The following KPNB1 variants were observed in gnomAD, a reference collection of about 807,000 sequenced individuals.
KPNB1 encodes the protein importin subunit beta-1.
Under a neutral mutation model 113.0 loss-of-function variants are expected in KPNB1, and 7 were observed. That is an observed-to-expected ratio of 0.06 (90% CI 0.04 to 0.12). KPNB1 has a LOEUF of 0.12. Among genes scored for constraint, KPNB1 ranks in the 10% least tolerant of loss-of-function variants. The probability of loss-of-function intolerance (pLI) is 1.00; values close to 1 mark genes in which losing one functional copy is unlikely to be tolerated. For synonymous variants in KPNB1, 363 were observed against 378.6 expected, an observed-to-expected ratio of 0.96 and a Z score of 0.48; for missense variants, 400 against 1,054.8, an observed-to-expected ratio of 0.38 and a Z score of 8.60.
chr17:47,677,267 G>A lies in KPNB1; in HGVS notation c.2103+140G>A, dbSNP rs945052384. 2.0e-5 allele frequency: 13 copies of A among 648,598 alleles called. No homozygotes were observed. In the East Asian group the frequency reaches 2.2e-4, roughly 11 times the overall value. 40.2% of individuals were successfully genotyped at this position (648,598 alleles called of 1,614,324 possible). A position where few individuals can be genotyped will look rare whatever the true frequency, so the allele number is the denominator to read the frequency against. On this transcript the variant is annotated intron_variant, in intron 17 of 21. Coordinates refer to ENST00000290158, the MANE Select transcript of KPNB1 (RefSeq NM_002265.6). ...GGAGGCCGAGGCAGGCCAGGAGTTC[G>A]AGACCAACCTGGACAACATGGTGAA...
Position 47,666,394 on chromosome 17 carries a change from TTGTG to T in KPNB1, c.999+1260_999+1263del, listed in dbSNP as rs140549997. ...ATCTTTTGACTTCGTGTCTTTACTT[TTGTG>T]TGTGTGTGTGTGTGTGTGTGTGTAT... On this transcript the variant is annotated intron_variant, in intron 9 of 21. Transcript: ENST00000290158. Among the ~76,000 whole-genome samples, 759 of 139,610 alleles carry T rather than the reference TTGTG, an allele frequency of 5.4e-3. 8 individuals are homozygous for T. The highest frequency in any genetic ancestry group is 0.019 in the African/African-American group (702 of 37,684). 91.6% of individuals were successfully genotyped at this position (139,610 alleles called of 152,430 possible). A position where few individuals can be genotyped will look rare whatever the true frequency, so the allele number is the denominator to read the frequency against.
chr17:47,684,947 A>C lies in KPNB1; in HGVS notation c.*2543A>C, dbSNP rs2030898890. On this transcript the variant is annotated 3_prime_UTR_variant, in exon 22 of 22. Coordinates refer to ENST00000290158, the MANE Select transcript of KPNB1 (RefSeq NM_002265.6). ...GGTGCAAAATGCATTCTGTTCACTCACTGTCTGGGCCTTCCCCACCCTAGT... is the reference window on the plus strand; with the variant it reads ...GGTGCAAAATGCATTCTGTTCACTCCCTGTCTGGGCCTTCCCCACCCTAGT... The C allele has an allele frequency of 1.3e-5, 2 of 152,170 alleles. No individual in the cohort carries two copies. The highest frequency in any genetic ancestry group is 4.8e-5 in the African/African-American group (2 of 41,438). 9.4% of individuals were successfully genotyped at this position (152,170 alleles called of 1,614,324 possible). A position where few individuals can be genotyped will look rare whatever the true frequency, so the allele number is the denominator to read the frequency against.
At chr17:47,659,536 T>G (rs1339852854) in intron 5 of KPNB1, among the ~76,000 whole-genome samples, 1 of 152,112 alleles carries the variant, frequency 6.6e-6, no homozygotes, top group Non-Finnish European at 1.5e-5. Flanking sequence ...GAGGATCACT[T>G]GAAGCCAGGA....
intron 4 of KPNB1, 92 bp from the exon 5 acceptor site, chr17:47,658,416 T>C (rs2029973779): frequency 7.2e-7 from 1 of 1,387,638 alleles, no homozygotes; most frequent in African/African-American, 1.5e-5. Flanking sequence ...CTCTAAATAT[T>C]TTCAATCCAT....
chr17:47,682,878 C>T lies in KPNB1; in HGVS notation c.*474C>T, dbSNP rs1273532949. ...AGCCTGGGTCTCAAGCCCACCTTCG[C>T]TGTACCTTTGCCACATGGTACTGTA... is the stretch of plus-strand genomic sequence containing the variant. On this transcript the variant is annotated 3_prime_UTR_variant, in exon 22 of 22. Coordinates refer to ENST00000290158, the MANE Select transcript of KPNB1 (RefSeq NM_002265.6). The T allele has an allele frequency of 5.5e-6, 1 of 182,594 alleles. No homozygotes were observed. The highest frequency in any genetic ancestry group is 2.4e-5 in the African/African-American group (1 of 41,814). 11.3% of individuals were successfully genotyped at this position (182,594 alleles called of 1,614,324 possible). A position where few individuals can be genotyped will look rare whatever the true frequency, so the allele number is the denominator to read the frequency against.
At chr17:47,667,851 C>A (rs1351416672) in intron 9 of KPNB1, among the ~76,000 whole-genome samples, 1 of 152,156 alleles carries the variant, frequency 6.6e-6, no homozygotes, top group South Asian at 2.1e-4. Context: ...AGCCACCGCG[C>A]CTGGCCGATT....
chr17:47,652,805 G>C lies in KPNB1; in HGVS notation c.211G>C (p.Asp71His), dbSNP rs199885874. Reference sequence around the variant, plus strand: ...GAACTCTTTGACATCTAAAGATCCAGATATCAAGGCACAATATCAGCAGAG... The same window carrying C: ...GAACTCTTTGACATCTAAAGATCCACATATCAAGGCACAATATCAGCAGAG... ...IKNSLTSKDP[D>H]IKAQYQQRWL... is the part of the protein sequence containing the mutation. The change falls in exon 3 of 22, where the codon GAT becomes CAT. Residue 71 changes from aspartate (D) to histidine (H), a missense_variant. Transcript: ENST00000290158. The C allele has an allele frequency of 5.0e-6, 8 of 1,612,334 alleles. No homozygotes were observed. The highest frequency in any genetic ancestry group is 6.8e-6 in the Non-Finnish European group (8 of 1,179,546).
At chr17:47,674,208 T>A (rs962115756) in intron 14 of KPNB1, among the ~76,000 whole-genome samples, 8 of 152,230 alleles carry the variant, frequency 5.3e-5, no homozygotes, top group Non-Finnish European at 1.0e-4. Context: ...TTTATCAAGT[T>A]TATTTCTAGG....
Position 47,658,628 on chromosome 17 carries a change from T to C in KPNB1, c.604T>C (p.Leu202=), listed in dbSNP as rs2143105235. ...LAATNALLNS[L]EFTKANFDKE... is the part of the protein sequence containing the mutation. The stretch of plus-strand genomic sequence containing the variant: ...TGCTACGAATGCACTCCTGAACTCA[T>C]TGGAGTTCACCAAAGCAAACTTTGA... Residue 202 remains leucine (L), a synonymous_variant, in exon 5 of 22, where the codon TTG becomes CTG. Coordinates refer to ENST00000290158, the MANE Select transcript of KPNB1 (RefSeq NM_002265.6). 2.5e-6 allele frequency: 4 copies of C among 1,613,776 alleles called. No individual in the cohort carries two copies. The highest frequency in any genetic ancestry group is 1.1e-5 in the South Asian group (1 of 91,074).
At chr17:47,678,004 C>T (rs201482764) in intron 17 of KPNB1, 42 bp from the exon 18 acceptor site, 1 of 1,587,772 alleles carries the variant, frequency 6.3e-7, no homozygotes, top group South Asian at 1.1e-5. Context: ...TTGGACCAAA[C>T]AAGTTTTGAC....
At chr17:47,673,292 G>C in intron 13 of KPNB1, 127 bp downstream of exon 13, 1 of 1,059,082 alleles carries the variant, frequency 9.4e-7, no homozygotes, top group Non-Finnish European at 1.4e-6. Context: ...AGATAATAAA[G>C]CTTATACAAA....
At position 47,656,871 on chromosome 17, in the gene KPNB1, A is replaced by G. The variant is rs745332110; in HGVS notation, c.294A>G (p.Thr98=). Residue 98 remains threonine, a synonymous_variant, in exon 4 of 22, where the codon ACA becomes ACG. Coordinates refer to ENST00000290158, the MANE Select transcript of KPNB1 (RefSeq NM_002265.6). ...TTTTTTTGGTGCAGGTTTTGCAGAC[A>G]TTGGGTACAGAAACTTACCGGCCTA... ...RREVKNYVLQ[T]LGTETYRPSS... 5 of 1,614,072 alleles carry G rather than the reference A, an allele frequency of 3.1e-6. No homozygotes were observed. Among genetic ancestry groups the G allele is most frequent in the South Asian group, 1.1e-5 (1 of 91,086 alleles).
At chr17:47,677,958 A>G (rs940089284) in intron 17 of KPNB1, 88 bp from the exon 18 acceptor site, 4 of 1,308,456 alleles carry the variant, frequency 3.1e-6, no homozygotes, top group Non-Finnish European at 4.3e-6. Context: ...TTTAAAATCA[A>G]TAGTTGCTTG....
At chr17:47,650,495 G>A (rs760167823) in intron 2 of KPNB1, 51 bp downstream of exon 2, 1 of 1,547,776 alleles carries the variant, frequency 6.5e-7, no homozygotes. Flanking sequence ...TCCCCTGCGT[G>A]CGGGGCCTTC....
chr17:47,659,673 AT>A (rs1239516308), intron 5 of KPNB1, among the ~76,000 whole-genome samples: 13 of 152,196 alleles, frequency 8.5e-5, no homozygotes, highest in African/African-American at 2.4e-4. Flanking sequence ...TGGAAAAAAA[AT>A]AATGAAAAAT....
At chr17:47,650,561 T>TCC (rs1220708651) in intron 2 of KPNB1, 117 bp downstream of exon 2, 36 of 405,738 alleles carry the variant, frequency 8.9e-5, no homozygotes, top group African/African-American at 3.7e-4. Context: ...CCCGTCCCCC[T>TCC]CCCCCCTCCC....
Position 47,678,343 on chromosome 17 carries a change from A to C in KPNB1, c.2283A>C (p.Leu761=). The C allele has an allele frequency of 6.2e-7, 1 of 1,614,130 alleles. No individual in the cohort carries two copies. Among genetic ancestry groups the C allele is most frequent in the South Asian group, 1.1e-5 (1 of 91,080 alleles). The change falls in exon 19 of 22, where the codon CTA becomes CTC. Residue 761 remains leucine (L), a synonymous_variant. Transcript: ENST00000290158. ...DYDMVDYLNE[L]RESCLEAYTG... is the part of the protein sequence containing the mutation. Reference sequence around the variant, plus strand: ...ACATGGTGGATTATCTGAATGAGCTAAGGGAAAGCTGCTTGGAAGCCTATA... The same window carrying C: ...ACATGGTGGATTATCTGAATGAGCTCAGGGAAAGCTGCTTGGAAGCCTATA...
At chr17:47,669,538 C>T in intron 10 of KPNB1, 140 bp from the exon 11 acceptor site, 4 of 590,998 alleles carry the variant, frequency 6.8e-6, no homozygotes, top group Non-Finnish European at 9.2e-6. Flanking sequence ...AGATGTTTCA[C>T]ACCATGTCCT....
At chr17:47,675,380 T>G (rs1597937872) in intron 15 of KPNB1, among the ~76,000 whole-genome samples, 1 of 112,438 alleles carries the variant, frequency 8.9e-6, no homozygotes, top group East Asian at 2.9e-4. Flanking sequence ...TTGTTTTTTT[T>G]TTTTGTTTGT....
Sources: allele counts gnomAD v4.1 joint callset (sites outside exome capture counted in the v4.1 genomes callset), GRCh38; gene constraint gnomAD v4.1.1; transcripts MANE v1.5; gene names NCBI Gene and HGNC (gene_info 2026-07-23, HGNC 2026-07-21).